Variants in PECAM1 observed in about 807,000 individuals in gnomAD.
The protein encoded by PECAM1 is platelet endothelial cell adhesion molecule.
A neutral mutation model predicts 13.8 loss-of-function variants in PECAM1; 8 were observed. The ratio of observed to expected loss-of-function variants is 0.58; its 90% CI spans 0.34 to 1.05. The LOEUF (loss-of-function observed/expected upper bound fraction) is 1.05. Among genes scored for constraint, PECAM1 ranks in the 50% least tolerant of loss-of-function variants. The pLI is 0.03. For synonymous variants in PECAM1, 136 were observed against 52.6 expected, an observed-to-expected ratio of 2.58 and a Z score of -6.86; for missense variants, 304 against 141.2, an observed-to-expected ratio of 2.15 and a Z score of -5.84.
intron 13 of PECAM1, among the ~76,000 whole-genome samples, chr17:64,347,225 A>T (rs2035589453): frequency 6.6e-6 from 1 of 152,054 alleles, no homozygotes; most frequent in South Asian, 2.1e-4. Flanking sequence ...ATTAATTTTT[A>T]AAATTATTGA....
At chr17:64,367,122 A>G (rs2143835243) in intron 5 of PECAM1, among the ~76,000 whole-genome samples, 1 of 151,962 alleles carries the variant, frequency 6.6e-6, no homozygotes, top group Admixed American at 6.6e-5. Context: ...ACAAGTATTT[A>G]TTGCAGGTTC....
In PECAM1 at chr17:64,390,630, C is replaced by A. The variant is rs1008931747; in HGVS notation, c.36G>T (p.Trp12Cys). Residue 12 changes from tryptophan to cysteine, a missense_variant, in exon 1 of 16, where the codon TGG becomes TGT. Physicochemically the swap from Trp to Cys is radical, Grantham distance 215. Transcript: ENST00000563924. ...GCAGAAGGGTCAGCAGGACTCCAAG[C>A]CACATCGTGGCCCCTTGGGCCCACC... The part of the protein sequence containing the change: ...QPRWAQGATM[W>C]LGVLLTLLLC... The A allele has an allele frequency of 4.2e-6, 2 of 471,822 alleles. No homozygotes were observed. The highest frequency in any genetic ancestry group is 2.0e-5 in the African/African-American group (1 of 50,608). The allele number at this position is 471,822 out of a possible 1,614,324, so 29.2% of individuals were successfully genotyped here.
intron 11 of PECAM1, among the ~76,000 whole-genome samples, chr17:64,351,298 C>T (rs1055719268): frequency 5.9e-5 from 9 of 152,116 alleles, no homozygotes; most frequent in African/African-American, 1.4e-4. Flanking sequence ...ATATGAATTA[C>T]TCAATTCTTA....
At chr17:64,373,195 A>G (rs1221687106) in intron 4 of PECAM1, among the ~76,000 whole-genome samples, 1 of 152,100 alleles carries the variant, frequency 6.6e-6, no homozygotes, top group Non-Finnish European at 1.5e-5. Context: ...TTGACTACTA[A>G]GAATTAACCA....
chr17:64,342,454 T>C (rs1475098808), intron 13 of PECAM1, among the ~76,000 whole-genome samples: 4 of 152,174 alleles, frequency 2.6e-5, no homozygotes, highest in African/African-American at 9.7e-5. Flanking sequence ...AACGAGATCC[T>C]GAGGTCTGGG....
chr17:64,358,111 C>CTTTTTT (rs141671796), intron 7 of PECAM1, among the ~76,000 whole-genome samples: 2,254 of 71,558 alleles, frequency 0.031, 425 homozygotes, highest in Middle Eastern at 0.083. Context: ...TGGCCACAGT[C>CTTTTTT]TTTTTTTTTT....
chr17:64,384,303 A>T (rs2036546217), intron 2 of PECAM1, among the ~76,000 whole-genome samples: 1 of 152,110 alleles, frequency 6.6e-6, no homozygotes, highest in Non-Finnish European at 1.5e-5. Context: ...CTTAACACAA[A>T]TATCATCGAC....
intron 13 of PECAM1, among the ~76,000 whole-genome samples, chr17:64,346,268 G>A (rs1012008673): frequency 1.4e-4 from 21 of 151,516 alleles, no homozygotes; most frequent in African/African-American, 5.1e-4. Flanking sequence ...ATGCAGGAGT[G>A]TGCAGTGACC....
chr17:64,367,897 A>T (rs2036147765), intron 5 of PECAM1, among the ~76,000 whole-genome samples: 3 of 152,216 alleles, frequency 2.0e-5, no homozygotes, highest in African/African-American at 7.2e-5. Flanking sequence ...TACTTAACTA[A>T]ATTGCTAGCA....
Position 64,355,015 on chromosome 17 carries a change from T to G in PECAM1, c.1806A>C (p.Gly602=). 1 of 475,318 alleles carries G rather than the reference T, an allele frequency of 2.1e-6. No individual in the cohort carries two copies. The highest frequency in any genetic ancestry group is 3.9e-6 in the Non-Finnish European group (1 of 259,012). 29.4% of individuals were successfully genotyped at this position (475,318 alleles called of 1,614,324 possible). A position where few individuals can be genotyped will look rare whatever the true frequency, so the allele number is the denominator to read the frequency against. The part of the protein sequence containing the change: ...VRVILAPWKK[G]LIAVVIIGVI... ...CTCCGATGATAACCACTGCAATAAG[T>G]CCTTTCTTCCATGGGGCAAGAATGA... The change falls in exon 9 of 16, where the codon GGA becomes GGC. Residue 602 remains glycine (G), a synonymous_variant. Coordinates refer to ENST00000563924, the MANE Select transcript of PECAM1 (RefSeq NM_000442.5).
intron 5 of PECAM1, among the ~76,000 whole-genome samples, chr17:64,364,970 A>G (rs1320873262): frequency 1.3e-5 from 2 of 151,580 alleles, no homozygotes; most frequent in East Asian, 3.9e-4. Flanking sequence ...AGTTCTGGCC[A>G]GGGCAATTAG....
At chr17:64,334,348 T>C (rs1307604220) in intron 14 of PECAM1, among the ~76,000 whole-genome samples, 13 of 151,722 alleles carry the variant, frequency 8.6e-5, no homozygotes, top group Non-Finnish European at 1.9e-4. Flanking sequence ...TGAAAGGGGG[T>C]TTAAGGGCCA....
At chr17:64,330,306 AC>A (rs2035073484) in intron 14 of PECAM1, among the ~76,000 whole-genome samples, 1 of 151,972 alleles carries the variant, frequency 6.6e-6, no homozygotes, top group South Asian at 2.1e-4. Flanking sequence ...AGTGTGAGTC[AC>A]CACATCTGGC....
At chr17:64,329,500 T>A (rs1244832309) in intron 15 of PECAM1, among the ~76,000 whole-genome samples, 200 bp downstream of exon 15, 1 of 152,116 alleles carries the variant, frequency 6.6e-6, no homozygotes, top group Non-Finnish European at 1.5e-5. Flanking sequence ...TGGGCTGAGA[T>A]GTAATGATGG....
rs974129407 is a variant in PECAM1, at chr17:64,322,769, G to A, written c.*1047C>T. On this transcript the variant is annotated 3_prime_UTR_variant, in exon 16 of 16. Coordinates refer to ENST00000563924, the MANE Select transcript of PECAM1 (RefSeq NM_000442.5). ...CTCACTCTGTCACTCAGGCTGGAGT[G>A]CAGTGGCGCGATCTCCGCTCACTAC... The A allele has an allele frequency of 2.6e-5, 21 of 802,878 alleles. No individual in the cohort carries two copies. The African/African-American group carries it at 3.3e-4, about 13-fold the overall frequency. 49.7% of individuals were successfully genotyped at this position (802,878 alleles called of 1,614,324 possible).
At chr17:64,384,501 T>G (rs916392956) in intron 2 of PECAM1, among the ~76,000 whole-genome samples, 11 of 152,278 alleles carry the variant, frequency 7.2e-5, no homozygotes, top group South Asian at 2.1e-4. Context: ...CAATGCAGCT[T>G]TTATCCTGAT....
intron 2 of PECAM1, among the ~76,000 whole-genome samples, chr17:64,380,503 G>A (rs901803975): frequency 1.9e-4 from 29 of 152,232 alleles, no homozygotes; most frequent in African/African-American, 7.0e-4. Context: ...TCCAGCATTT[G>A]GACCTGGGAT....
intron 13 of PECAM1, among the ~76,000 whole-genome samples, chr17:64,343,864 G>A (rs2035494543): frequency 6.6e-6 from 1 of 152,142 alleles, no homozygotes; most frequent in African/African-American, 2.4e-5. Flanking sequence ...CCTATTGGGG[G>A]ATCCTCCACA....
chr17:64,378,998 T>C (rs1229978737), intron 2 of PECAM1: 3 of 152,234 alleles, frequency 2.0e-5, no homozygotes, highest in Admixed American at 2.0e-4. Flanking sequence ...CCAGCTGGCA[T>C]TTTCTATCTG....
Sources: allele counts gnomAD v4.1 joint callset (sites outside exome capture counted in the v4.1 genomes callset), GRCh38; gene constraint gnomAD v4.1.1; transcripts MANE v1.5; gene names NCBI Gene and HGNC (gene_info 2026-07-23, HGNC 2026-07-21).